Variants in NKIRAS1 observed in about 807,000 individuals in gnomAD.
The protein encoded by NKIRAS1 is NF-kappa-B inhibitor-interacting Ras-like protein 1.
NKIRAS1 carries 16 observed loss-of-function variants against 19.8 expected under a neutral mutation model. The observed-to-expected ratio is 0.81, with a 90% confidence interval of 0.55 to 1.23. The LOEUF is 1.23. Ranked by LOEUF, NKIRAS1 falls within the 50% of genes most tolerant of loss-of-function variation. The pLI is 0.00. For missense variants in NKIRAS1, 184 were observed against 220.0 expected (o/e 0.84, Z 1.04); for synonymous variants, 88 against 79.0 (o/e 1.11, Z -0.61).
chr3:23,901,400 G>A (rs1163986281), intron 3 of NKIRAS1, among the ~76,000 whole-genome samples: 1 of 151,990 alleles, frequency 6.6e-6, no homozygotes, highest in Non-Finnish European at 1.5e-5. Context: ...GCCCAGGCTG[G>A]TCTCGAACTC....
chr3:23,919,853 G>A (rs1471198638), upstream of NKIRAS1: 14 of 1,016,264 alleles, frequency 1.4e-5, no homozygotes, highest in Non-Finnish European at 1.5e-5. Flanking sequence ...TTATCGGAGT[G>A]ATGGCAATGC....
At chr3:23,911,058 G>A (rs1291926851) in intron 2 of NKIRAS1, 137 bp from the exon 3 acceptor site, 1 of 657,936 alleles carries the variant, frequency 1.5e-6, no homozygotes. Context: ...TATAGAATAA[G>A]GTATAGCCTT....
Position 23,890,591 on chromosome 3 carries a change from G to GAT in NKIRAS1, c.*2503_*2504insAT. On this transcript the variant is annotated 3_prime_UTR_variant, in exon 5 of 5. Coordinates refer to ENST00000425478, the MANE Select transcript of NKIRAS1 (RefSeq NM_020345.4). ...ACAGAATGGCCAGACAGTGGACCAA[G>GAT]AGATACGCTACATAAATTGGGGTTT... is the stretch of plus-strand genomic sequence containing the variant. The GAT allele has an allele frequency of 6.2e-7, 1 of 1,613,032 alleles. No individual in the cohort carries two copies. Among genetic ancestry groups the GAT allele is most frequent in the Non-Finnish European group, 8.5e-7 (1 of 1,179,474 alleles).
At chr3:23,897,954 T>C (rs1469818651) in intron 4 of NKIRAS1, among the ~76,000 whole-genome samples, 1 of 152,208 alleles carries the variant, frequency 6.6e-6, no homozygotes, top group Non-Finnish European at 1.5e-5. Flanking sequence ...AATACGATTA[T>C]GGGGATTGAA....
chr3:23,933,956 A>G (rs1656654902), intron 1 of NKIRAS1, among the ~76,000 whole-genome samples: 1 of 152,212 alleles, frequency 6.6e-6, no homozygotes, highest in Non-Finnish European at 1.5e-5. Flanking sequence ...AACATCTTTT[A>G]CAATGTGGCT....
intron 3 of NKIRAS1, among the ~76,000 whole-genome samples, chr3:23,902,596 G>A (rs571251874): frequency 1.8e-4 from 27 of 152,198 alleles, no homozygotes; most frequent in African/African-American, 5.8e-4. Flanking sequence ...AAGCCAGTCC[G>A]GTTAGCCCAC....
intron 1 of NKIRAS1, chr3:23,945,114 AAGG>A (rs909248036): frequency 1.1e-4 from 17 of 148,082 alleles, no homozygotes; most frequent in African/African-American, 4.2e-4. Flanking sequence ...GGGGCTCGGC[AAGG>A]AGAAGGAAGG....
At chr3:23,944,094 C>T (rs182406469) in intron 1 of NKIRAS1, among the ~76,000 whole-genome samples, 2 of 152,242 alleles carry the variant, frequency 1.3e-5, no homozygotes, top group Non-Finnish European at 2.9e-5. Context: ...CGGTGAGAAA[C>T]AGGGATTGAA....
chr3:23,893,067 A>C lies in NKIRAS1; in HGVS notation c.*28T>G. 6.6e-7 allele frequency: 1 copy of C among 1,525,166 alleles called. No homozygotes were observed. Among genetic ancestry groups the C allele is most frequent in the South Asian group, 1.3e-5 (1 of 74,654 alleles). 94.5% of individuals were successfully genotyped at this position (1,525,166 alleles called of 1,614,324 possible). On this transcript the variant is annotated 3_prime_UTR_variant, in exon 5 of 5. Transcript: ENST00000425478. ...AGACACTTAAAGGCAATCACTATTC[A>C]ACATACAATTGTGGAAATTACTGAT...
rs1052180450 is a variant in NKIRAS1, at chr3:23,890,083, G to A, written c.*3012C>T. Among the ~76,000 whole-genome samples the A allele has an allele frequency of 2.0e-5, 3 of 152,136 alleles. No homozygotes were observed. The highest frequency in any genetic ancestry group is 7.2e-5 in the African/African-American group (3 of 41,422). On this transcript the variant is annotated 3_prime_UTR_variant, in exon 5 of 5. Transcript: ENST00000425478. Reference sequence around the variant, plus strand: ...GCGTAAAGGTTAATAGTGTTGCACTGCAACAGCCCCGAAGACTTCACAGTA... The same window carrying A: ...GCGTAAAGGTTAATAGTGTTGCACTACAACAGCCCCGAAGACTTCACAGTA...
At chr3:23,945,803 C>T (rs1416677613) in intron 1 of NKIRAS1, among the ~76,000 whole-genome samples, 4 of 150,380 alleles carry the variant, frequency 2.7e-5, no homozygotes, top group Non-Finnish European at 5.9e-5. Flanking sequence ...AGCCGCAGCG[C>T]GGCCTGCCGG....
At chr3:23,916,655 C>G (rs972698480) in intron 1 of NKIRAS1, 129 bp downstream of exon 1, 3 of 152,538 alleles carry the variant, frequency 2.0e-5, no homozygotes, top group African/African-American at 7.2e-5. Context: ...GTCGGGGGAT[C>G]TCTCAGCGCA....
rs150240088 is a variant in NKIRAS1 at position 23,934,139 on chromosome 3, C to A, written c.-140+12184G>T. Among the ~76,000 whole-genome samples the A allele has an allele frequency of 6.8e-4, 103 of 152,234 alleles. 1 individual carries two copies. Among genetic ancestry groups the A allele is most frequent in the African/African-American group, 2.5e-3 (103 of 41,540 alleles). On this transcript the variant is annotated intron_variant, in intron 1 of 4. Transcript: ENST00000421515. ...AAGTATGGCAAAGTAATGAACTGAA[C>A]TTTATATTAGTTCAAAAGAAATGGG... is the stretch of plus-strand genomic sequence containing the variant.
At chr3:23,919,150 A>C, upstream of NKIRAS1, 1 of 1,337,200 alleles carries the variant, frequency 7.5e-7, no homozygotes, top group African/African-American at 1.4e-5. Context: ...ACTTGCTGCT[A>C]TAGGCAATGT....
In NKIRAS1 at chr3:23,890,634, T is replaced by G; in HGVS notation, c.*2461A>C. Reference sequence around the variant, plus strand: ...TGGGGTTTCACAATTCTTACATTATTTGTCTGTCACAGAAGAGAGCTGCTT... The same window carrying G: ...TGGGGTTTCACAATTCTTACATTATGTGTCTGTCACAGAAGAGAGCTGCTT... On this transcript the variant is annotated 3_prime_UTR_variant, in exon 5 of 5. Transcript: ENST00000425478. 6.2e-7 allele frequency: 1 copy of G among 1,607,484 alleles called. No homozygotes were observed.
intron 4 of NKIRAS1, among the ~76,000 whole-genome samples, chr3:23,894,007 C>G (rs533721276): frequency 6.6e-6 from 1 of 152,144 alleles, no homozygotes; most frequent in South Asian, 2.1e-4. Flanking sequence ...ACAGCTGGAG[C>G]TGTGGGAGTT....
intron 2 of NKIRAS1, 28 bp from the exon 3 acceptor site, chr3:23,910,949 A>G (rs757867719): frequency 1.4e-6 from 2 of 1,477,768 alleles, no homozygotes; most frequent in Non-Finnish European, 1.9e-6. Context: ...GGTCTTTTAA[A>G]TTGTATACTG....
intron 3 of NKIRAS1, among the ~76,000 whole-genome samples, chr3:23,909,899 G>C (rs1287103622): frequency 1.5e-5 from 2 of 137,558 alleles, no homozygotes; most frequent in Admixed American, 1.6e-4. Context: ...TCGCTCTGTC[G>C]CCAGGCTGGA....
At chr3:23,918,144 C>A, upstream of NKIRAS1, 1 of 1,327,774 alleles carries the variant, frequency 7.5e-7, no homozygotes, top group Non-Finnish European at 1.0e-6. Flanking sequence ...AGGGCTTTGG[C>A]AGAAAAAAGC....
Sources: gnomAD v4.1 joint callset for allele counts (sites outside exome capture counted in the v4.1 genomes callset) on GRCh38, gnomAD v4.1.1 for gene constraint, MANE v1.5 for transcripts, NCBI Gene and HGNC (gene_info 2026-07-23, HGNC 2026-07-21) for gene names.